PAMR1: variants seen among roughly 807,000 people sequenced by gnomAD.
The protein encoded by PAMR1 is inactive serine protease PAMR1.
Under a neutral mutation model 81.8 loss-of-function variants are expected in PAMR1, and 88 were observed. The ratio of observed to expected loss-of-function variants is 1.08; its 90% CI spans 0.91 to 1.28. The LOEUF is 1.28. PAMR1 is among the 50% of genes most tolerant of loss of function. The pLI, the probability that PAMR1 is intolerant of heterozygous loss-of-function variation, is 0.00. For missense variants in PAMR1, 935 were observed against 919.7 expected, an observed-to-expected ratio of 1.02 and a Z score of -0.21; for synonymous variants, 336 against 345.3, an observed-to-expected ratio of 0.97 and a Z score of 0.30.
At chr11:35,479,045 G>A (rs1364282099) in intron 3 of PAMR1, among the ~76,000 whole-genome samples, 6 of 152,082 alleles carry the variant, frequency 3.9e-5, no homozygotes, top group Non-Finnish European at 7.4e-5. Flanking sequence ...AGCTGGAAAA[G>A]GCTCTCAACA....
In PAMR1 at chr11:35,432,382, C is replaced by A. The variant is rs766778953; in HGVS notation, c.2137G>T (p.Asp713Tyr). The change falls in exon 11 of 11, where the codon GAC becomes TAC. Residue 713 changes from aspartate to tyrosine, a missense_variant. By Grantham distance (160) the Asp-to-Tyr change is radical. Coordinates refer to ENST00000619888, the MANE Select transcript of PAMR1 (RefSeq NM_001001991.3). ...CATTTCATATTTCTTTCAATCCAGT[C>A]TTTAAAAGGCAGCACCTTGGTGAAG... ...TAFTKVLPFK[D>Y]WIERNMK 4 of 1,613,110 alleles carry A rather than the reference C, an allele frequency of 2.5e-6. No homozygotes were observed. In the South Asian group the frequency reaches 4.4e-5, roughly 18 times the overall value.
intron 6 of PAMR1, among the ~76,000 whole-genome samples, chr11:35,447,473 G>A (rs188387572): frequency 5.9e-5 from 9 of 152,086 alleles, no homozygotes; most frequent in African/African-American, 1.9e-4. Flanking sequence ...AAAGTCCTGG[G>A]GTTACAGGCG....
intron 10 of PAMR1, 134 bp downstream of exon 10, chr11:35,434,378 A>G: frequency 2.7e-6 from 2 of 748,756 alleles, no homozygotes; most frequent in Non-Finnish European, 4.4e-6. Context: ...GAAATAATGA[A>G]CGCTGCTATA....
At chr11:35,526,525 C>T (rs1037476270), upstream of PAMR1, among the ~76,000 whole-genome samples, 2 of 152,156 alleles carry the variant, frequency 1.3e-5, no homozygotes, top group African/African-American at 4.8e-5. Context: ...TGTCATGTAC[C>T]TTACATGTAT....
intron 6 of PAMR1, among the ~76,000 whole-genome samples, chr11:35,465,736 A>C (rs1207656972): frequency 6.6e-6 from 1 of 152,184 alleles, no homozygotes; most frequent in African/African-American, 2.4e-5. Context: ...CTATAACTAC[A>C]TGTTACTAAG....
rs751829263 is a variant in PAMR1 at position 35,441,578 on chromosome 11, A to G, written c.936T>C (p.Ser312=). 1.2e-6 allele frequency: 2 copies of G among 1,614,058 alleles called. No individual in the cohort carries two copies. The highest frequency in any genetic ancestry group is 2.2e-5 in the South Asian group (2 of 91,078). The part of the protein sequence containing the change: ...GRHAKIGTVV[S]FFCNNSYVLS... Reference sequence around the variant, plus strand: ...GAACATAGGAGTTGTTACAAAAGAAAGACACCACGGTGCCAATTTTAGCAT... The same window carrying G: ...GAACATAGGAGTTGTTACAAAAGAAGGACACCACGGTGCCAATTTTAGCAT... Residue 312 remains serine, a synonymous_variant, in exon 7 of 11, where the codon TCT becomes TCC. Coordinates refer to ENST00000619888, the MANE Select transcript of PAMR1 (RefSeq NM_001001991.3).
chr11:35,517,723 T>C (rs1051043660), intron 1 of PAMR1, among the ~76,000 whole-genome samples: 1 of 152,228 alleles, frequency 6.6e-6, no homozygotes, highest in Non-Finnish European at 1.5e-5. Flanking sequence ...GAAACCCATT[T>C]TGGGAAATGC....
intron 1 of PAMR1, among the ~76,000 whole-genome samples, chr11:35,523,546 A>G (rs12803861): frequency 6.6e-6 from 1 of 152,036 alleles, no homozygotes; most frequent in Non-Finnish European, 1.5e-5. Context: ...TGCCAGTGAG[A>G]AACAACACTC....
chr11:35,524,065 G>T (rs1344654644), intron 1 of PAMR1, among the ~76,000 whole-genome samples: 1 of 152,198 alleles, frequency 6.6e-6, no homozygotes, highest in African/African-American at 2.4e-5. Context: ...CTGGCACTCT[G>T]AGAAGAACCA....
At position 35,442,536 on chromosome 11, in the gene PAMR1, G is replaced by T. The variant is rs564544682; in HGVS notation, c.821-843C>A. Among the ~76,000 whole-genome samples the T allele has an allele frequency of 3.9e-5, 6 of 152,180 alleles. No homozygotes were observed. In the South Asian group the frequency reaches 6.2e-4, roughly 16 times the overall value. ...CATAGAATTCAAACTTCTACTACTT[G>T]ATTTGGGTACCAATCACTCTATCAA... On this transcript the variant is annotated intron_variant, in intron 6 of 10. Coordinates refer to ENST00000619888, the MANE Select transcript of PAMR1 (RefSeq NM_001001991.3).
intron 7 of PAMR1, among the ~76,000 whole-genome samples, chr11:35,440,495 T>C (rs997189501): frequency 6.6e-6 from 1 of 152,164 alleles, no homozygotes; most frequent in African/African-American, 2.4e-5. Context: ...ATGATTCAGG[T>C]TGTTGACAAA....
intron 1 of PAMR1, among the ~76,000 whole-genome samples, chr11:35,516,663 C>T (rs1430613173): frequency 1.3e-5 from 2 of 152,308 alleles, no homozygotes; most frequent in Middle Eastern, 3.4e-3. Flanking sequence ...CAATGAACAG[C>T]GCAAACCCAT....
chr11:35,499,916 C>A (rs658907), intron 1 of PAMR1, among the ~76,000 whole-genome samples: 46,783 of 151,618 alleles, frequency 0.31, 9,558 homozygotes, highest in East Asian at 0.65. Context: ...AATCACAAGG[C>A]CCCCCGTAAG....
At chr11:35,436,347 C>A (rs551651221) in intron 8 of PAMR1, 1 of 501,704 alleles carries the variant, frequency 2.0e-6, no homozygotes, top group Admixed American at 3.2e-5. Flanking sequence ...TGTAGTGATG[C>A]GATCTTGGCT....
At chr11:35,493,244 G>C (rs1459948632) in intron 2 of PAMR1, among the ~76,000 whole-genome samples, 1 of 152,022 alleles carries the variant, frequency 6.6e-6, no homozygotes, top group Non-Finnish European at 1.5e-5. Context: ...CCATACTACA[G>C]CTAAAGAGAA....
chr11:35,511,112 A>G (rs1851064498), intron 1 of PAMR1, among the ~76,000 whole-genome samples: 1 of 152,322 alleles, frequency 6.6e-6, no homozygotes, highest in South Asian at 2.1e-4. Flanking sequence ...TTTAGTAAAC[A>G]AATGAATGAA....
intron 8 of PAMR1, among the ~76,000 whole-genome samples, chr11:35,437,963 G>A (rs1262601951): frequency 6.6e-6 from 1 of 152,248 alleles, no homozygotes; most frequent in Non-Finnish European, 1.5e-5. Flanking sequence ...AGGGGTGAAA[G>A]ACTGATGGAT....
At chr11:35,434,850 A>C in intron 9 of PAMR1, 46 bp from the exon 10 acceptor site, 2 of 1,574,302 alleles carry the variant, frequency 1.3e-6, no homozygotes, top group Non-Finnish European at 1.7e-6. Flanking sequence ...AGACTTTGCC[A>C]TCCAAAGGAG....
intron 6 of PAMR1, among the ~76,000 whole-genome samples, chr11:35,455,839 G>T (rs1047007818): frequency 2.0e-5 from 3 of 150,846 alleles, no homozygotes; most frequent in African/African-American, 4.9e-5. Context: ...GCCAGTTCAA[G>T]ATATTCTACT....
Sources: gnomAD v4.1 joint callset for allele counts (sites outside exome capture counted in the v4.1 genomes callset) on GRCh38, gnomAD v4.1.1 for gene constraint, MANE v1.5 for transcripts, NCBI Gene and HGNC (gene_info 2026-07-23, HGNC 2026-07-21) for gene names.